Variants in DDX60L observed in about 807,000 individuals in gnomAD.
DDX60L encodes probable ATP-dependent RNA helicase DDX60-like.
In DDX60L, 191 loss-of-function variants were observed where a neutral mutation model predicts 211.6. The ratio of observed to expected loss-of-function variants is 0.90; its 90% CI spans 0.80 to 1.02. The LOEUF is 1.02. Among genes scored for constraint, DDX60L ranks in the 50% least tolerant of loss-of-function variants. The pLI, the probability that DDX60L is intolerant of heterozygous loss-of-function variation, is 0.00. For missense variants in DDX60L, 2,007 were observed against 1,984.1 expected (o/e 1.01, Z -0.22); for synonymous variants, 706 against 694.1 (o/e 1.02, Z -0.27).
At chr4:168,457,732 T>C (rs541417966) in intron 6 of DDX60L, among the ~76,000 whole-genome samples, 160 bp downstream of exon 6, 18 of 152,310 alleles carry the variant, frequency 1.2e-4, no homozygotes, top group Admixed American at 3.3e-4. Flanking sequence ...GAATTCAAGG[T>C]ACTCTGAGAG....
intron 15 of DDX60L, among the ~76,000 whole-genome samples, chr4:168,422,999 G>GTGTGTGTGTGTGTGTGTGTGTGTGTA (rs551448406): frequency 0.016 from 2,170 of 137,486 alleles, 70 homozygotes; most frequent in African/African-American, 0.033. Context: ...GTGTGTGTGT[G>GTGTGTGTGTGTGTGTGTGTGTGTGTA]TTGTAGAGAC....
intron 22 of DDX60L, among the ~76,000 whole-genome samples, chr4:168,409,714 A>C (rs1748347864): frequency 6.6e-6 from 1 of 152,194 alleles, no homozygotes; most frequent in South Asian, 2.1e-4. Context: ...TCTATGAAGT[A>C]ATTTCCATTT....
Position 168,423,766 on chromosome 4 carries a change from A to T in DDX60L, c.1939T>A (p.Ser647Thr). Residue 647 changes from serine to threonine, a missense_variant, in exon 15 of 38, where the codon TCG (serine) becomes ACG (threonine). Coordinates refer to ENST00000682922, the MANE Select transcript of DDX60L (RefSeq NM_001012967.3). Reference protein sequence around the residue: ...KKHCRGEGKISKDLSIAVQMM... With the variant: ...KKHCRGEGKITKDLSIAVQMM... ...TGAACAGCTATACTTAAATCTTTCGAAATTTTGCCTTGTTAAAGAAACAAT... is the reference window on the plus strand; with the variant it reads ...TGAACAGCTATACTTAAATCTTTCGTAATTTTGCCTTGTTAAAGAAACAAT... 6.4e-7 allele frequency: 1 copy of T among 1,569,554 alleles called. No individual in the cohort carries two copies. Among genetic ancestry groups the T allele is most frequent in the Non-Finnish European group, 8.6e-7 (1 of 1,166,058 alleles).
At position 168,427,833 on chromosome 4, in the gene DDX60L, G is replaced by T. The variant is rs149422387; in HGVS notation, c.1678-511C>A. 6.6e-5 allele frequency among the ~76,000 whole-genome samples: 10 copies of T among 152,340 alleles called. No homozygotes were observed. In the East Asian group the frequency reaches 1.9e-3, roughly 29 times the overall value. ...AAAATGGAGGAGTCACACACACTTA[G>T]TGGGGTGGTAATTTTTCCCACCTCT... On this transcript the variant is annotated intron_variant, in intron 13 of 37. Transcript: ENST00000682922.
chr4:168,358,524 C>CTTTTTTTTTTTTTTTTTT (rs70961514), intron 37 of DDX60L, among the ~76,000 whole-genome samples: 1 of 108,302 alleles, frequency 9.2e-6, no homozygotes, highest in Non-Finnish European at 1.9e-5. Context: ...TTTTCTTTTT[C>CTTTTTTTTTTTTTTTTTT]TTTTTTTTTT....
chr4:168,382,636 T>C (rs1351197287), intron 30 of DDX60L, among the ~76,000 whole-genome samples: 4 of 152,108 alleles, frequency 2.6e-5, no homozygotes, highest in African/African-American at 9.7e-5. Context: ...CATATTGATC[T>C]AATTAATTAA....
intron 4 of DDX60L, chr4:168,469,871 C>T (rs1376100315): frequency 6.6e-6 from 1 of 152,144 alleles, no homozygotes; most frequent in East Asian, 1.9e-4. Flanking sequence ...GAGCGAGACT[C>T]TGTCTCAAAA....
chr4:168,436,755 T>C (rs538687737), intron 10 of DDX60L, among the ~76,000 whole-genome samples: 2 of 152,218 alleles, frequency 1.3e-5, no homozygotes, highest in Non-Finnish European at 2.9e-5. Flanking sequence ...GGCACCCCTA[T>C]GTTCTGTTTG....
chr4:168,477,726 C>A (rs1201098825), intron 1 of DDX60L, among the ~76,000 whole-genome samples: 1 of 152,192 alleles, frequency 6.6e-6, no homozygotes, highest in Non-Finnish European at 1.5e-5. Flanking sequence ...TGATGCAAAG[C>A]AAAATATCTG....
intron 3 of DDX60L, 21 bp downstream of exon 3, chr4:168,472,434 T>C (rs1375666295): frequency 6.5e-6 from 10 of 1,528,026 alleles, no homozygotes; most frequent in African/African-American, 1.4e-5. Flanking sequence ...AGCTCCTTCT[T>C]TTTTACTTCA....
In DDX60L at chr4:168,460,381, C is replaced by A. The variant is rs1229520775; in HGVS notation, c.606+1318G>T. ...CATTACTTGCTTCTTTGTCAGTCTTCTTCATTTCTTTCTCATTAAGGGTCC... is the reference window on the plus strand; with the variant it reads ...CATTACTTGCTTCTTTGTCAGTCTTATTCATTTCTTTCTCATTAAGGGTCC... On this transcript the variant is annotated intron_variant, in intron 5 of 37. Transcript: ENST00000682922. 2.0e-5 allele frequency among the ~76,000 whole-genome samples: 3 copies of A among 152,032 alleles called. No individual in the cohort carries two copies. In the East Asian group the frequency reaches 5.8e-4, roughly 29 times the overall value.
chr4:168,386,593 AAAGAT>A (rs143057504), intron 29 of DDX60L, among the ~76,000 whole-genome samples: 109,483 of 147,630 alleles, frequency 0.74, 41,912 homozygotes, highest in East Asian at 0.87. Flanking sequence ...AAAAAAGAAC[AAAGAT>A]AAGAAAAGTG....
intron 29 of DDX60L, chr4:168,390,361 T>A: frequency 2.5e-6 from 3 of 1,177,084 alleles, no homozygotes; most frequent in South Asian, 4.3e-5. Context: ...CTGTTTTTCA[T>A]AACAGAACAT....
chr4:168,384,891 C>G lies in DDX60L; in HGVS notation c.3916-79G>C, dbSNP rs184081438. The G allele has an allele frequency of 4.4e-6, 6 of 1,359,064 alleles. No individual in the cohort carries two copies. The East Asian group carries it at 1.5e-4, about 34-fold the overall frequency. The allele number at this position is 1,359,064 out of a possible 1,614,324, so 84.2% of individuals were successfully genotyped here. ...AAGTCCAAAGATTTATGACTTTACA[C>G]TTGTTATCCGGGATTGTGTTAAATT... On this transcript the variant is annotated intron_variant, in intron 29 of 37. Transcript: ENST00000682922.
rs1393240165 is a variant in DDX60L at position 168,421,805 on chromosome 4, C to G, written c.2349G>C (p.Leu783=). The part of the protein sequence containing the change: ...YASYYCMEKV[L]RESDVGVVVY... ...CAACCACCCCGACATCGCTCTCCCT[C>G]AGCACTTTCTCCATGCAGTAGTAGG... Residue 783 remains leucine, a synonymous_variant, in exon 17 of 38, where the codon CTG becomes CTC. Transcript: ENST00000682922. 1 of 1,614,114 alleles carries G rather than the reference C, an allele frequency of 6.2e-7. No individual in the cohort carries two copies. The highest frequency in any genetic ancestry group is 8.5e-7 in the Non-Finnish European group (1 of 1,180,044).
rs1452289102 is a variant in DDX60L, at chr4:168,373,807, T to G, written c.4635A>C (p.Lys1545Asn). The G allele has an allele frequency of 6.2e-7, 1 of 1,612,886 alleles. No homozygotes were observed. The change falls in exon 35 of 38, where the codon AAA becomes AAC. Residue 1545 changes from lysine (K) to asparagine (N), a missense_variant and splice_region_variant. Lys to Asn is a moderately conservative substitution (Grantham distance 94). Coordinates refer to ENST00000682922, the MANE Select transcript of DDX60L (RefSeq NM_001012967.3). ...KEHQLPLSRI[K>N]FTGKECEDSQ... ...AGTCTTCACATTCTTTACCTGTGAA[T>G]TCTGACCATTTTGGACTAGGTCACG...
At chr4:168,429,798 T>G (rs1752057746) in intron 13 of DDX60L, among the ~76,000 whole-genome samples, 1 of 152,198 alleles carries the variant, frequency 6.6e-6, no homozygotes, top group Non-Finnish European at 1.5e-5. Context: ...AATGAGTGAC[T>G]TGTGCAAGAT....
At chr4:168,447,544 A>C (rs1755006939) in intron 9 of DDX60L, among the ~76,000 whole-genome samples, 1 of 152,114 alleles carries the variant, frequency 6.6e-6, no homozygotes, top group Non-Finnish European at 1.5e-5. Flanking sequence ...ATATACCCAA[A>C]GGACTATAAA....
intron 29 of DDX60L, among the ~76,000 whole-genome samples, chr4:168,389,070 C>T (rs541099597): frequency 6.6e-6 from 1 of 152,184 alleles, no homozygotes; most frequent in African/African-American, 2.4e-5. Flanking sequence ...TCAGTGGCTG[C>T]TCCCAATGAT....
Sources: allele counts gnomAD v4.1 joint callset (sites outside exome capture counted in the v4.1 genomes callset), GRCh38; gene constraint gnomAD v4.1.1; transcripts MANE v1.5; gene names NCBI Gene and HGNC (gene_info 2026-07-23, HGNC 2026-07-21).